LPCAT1: variants seen among roughly 807,000 people sequenced by gnomAD.
LPCAT1 encodes lysophosphatidylcholine acyltransferase 1, also known as 1-acylglycerol-3-phosphate O-acyltransferase.
Under a neutral mutation model 60.9 loss-of-function variants are expected in LPCAT1, and 23 were observed. That is an observed-to-expected ratio of 0.38 (90% CI 0.27 to 0.53). The LOEUF (loss-of-function observed/expected upper bound fraction) is 0.53, where lower values mean the gene tolerates loss of function less well. LPCAT1 is among the 20% of genes least tolerant of loss of function. The pLI is 0.82. For synonymous variants in LPCAT1, 340 were observed against 301.1 expected, an observed-to-expected ratio of 1.13 and a Z score of -1.34; for missense variants, 622 against 723.6, an observed-to-expected ratio of 0.86 and a Z score of 1.61.
Position 1,487,084 on chromosome 5 carries a change from C to G in LPCAT1, c.667+1307G>C, listed in dbSNP as rs1228776377. On this transcript the variant is annotated intron_variant, in intron 5 of 13. Transcript: ENST00000283415. The surrounding 1 kb of genome is among the most constrained non-coding windows in gnomAD (Gnocchi z 6.1). ...CTCCCCAGGGGCCTCCCTGCAGGCA[C>G]GAGGCTCCACTCCCGAGGAACACCT... Among the ~76,000 whole-genome samples, 1 of 152,188 alleles carries G rather than the reference C, an allele frequency of 6.6e-6. No individual in the cohort carries two copies.
Position 1,521,228 on chromosome 5 carries a change from G to T in LPCAT1, c.135+2482C>A. The T allele has an allele frequency of 1.7e-6, 1 of 573,686 alleles. No individual in the cohort carries two copies. The highest frequency in any genetic ancestry group is 2.2e-6 in the Non-Finnish European group (1 of 453,938). 35.5% of individuals were successfully genotyped at this position (573,686 alleles called of 1,614,324 possible). On this transcript the variant is annotated intron_variant, in intron 1 of 13. Coordinates refer to ENST00000283415, the MANE Select transcript of LPCAT1 (RefSeq NM_024830.5). The surrounding 1 kb of genome is among the most constrained non-coding windows in gnomAD (Gnocchi z 4.3). ...GATACTTAAGCTCCTCACTAAATCT[G>T]TAGTTAAATGACAGATGGGCTGGCT...
At chr5:1,506,822 C>G (rs1371782725) in intron 1 of LPCAT1, among the ~76,000 whole-genome samples, 2 of 152,206 alleles carry the variant, frequency 1.3e-5, no homozygotes, top group African/African-American at 4.8e-5. Context: ...TTGCAGTGTC[C>G]ACTGAGAGCA....
At chr5:1,492,771 C>T (rs1049544963) in intron 3 of LPCAT1, among the ~76,000 whole-genome samples, 2 of 152,204 alleles carry the variant, frequency 1.3e-5, no homozygotes, top group Non-Finnish European at 2.9e-5. Context: ...ACCAAACACT[C>T]CTTCGTGTTG....
rs770840035 is a variant in LPCAT1 at position 1,513,437 on chromosome 5, C to T, written c.135+10273G>A. ...CTCAGCTCCTGCAAGGCCTGGCTCA[C>T]GGCAGGTGCTCGCAAGAAGAATACA... On this transcript the variant is annotated intron_variant, in intron 1 of 13. Coordinates refer to ENST00000283415, the MANE Select transcript of LPCAT1 (RefSeq NM_024830.5). Among the ~76,000 whole-genome samples, 78 of 152,284 alleles carry T rather than the reference C, an allele frequency of 5.1e-4. 1 individual carries two copies. The highest frequency in any genetic ancestry group is 1.7e-3 in the African/African-American group (72 of 41,552).
In LPCAT1 at chr5:1,481,564, G is replaced by A. The variant is rs1345270272; in HGVS notation, c.727-588C>T. ...GGCCCAGACACCGTCACCCTGGGGT[G>A]GACCTTCTGCTCCCCTGACGGCTAA... On this transcript the variant is annotated intron_variant, in intron 6 of 13. Transcript: ENST00000283415. The surrounding 1 kb of genome is among the most constrained non-coding windows in gnomAD (Gnocchi z 7.8). Among the ~76,000 whole-genome samples the A allele has an allele frequency of 1.3e-5, 2 of 152,274 alleles. No homozygotes were observed. The highest frequency in any genetic ancestry group is 2.9e-5 in the Non-Finnish European group (2 of 68,052).
chr5:1,465,047 G>T (rs1190338204), intron 13 of LPCAT1, among the ~76,000 whole-genome samples: 1 of 112,512 alleles, frequency 8.9e-6, no homozygotes, highest in Non-Finnish European at 1.8e-5. Context: ...AAACACACAT[G>T]CGCACGCACA....
At chr5:1,464,814 C>G (rs535918978) in intron 13 of LPCAT1, among the ~76,000 whole-genome samples, 21 of 150,932 alleles carry the variant, frequency 1.4e-4, no homozygotes, top group Non-Finnish European at 2.8e-4. Context: ...CAAGCACACA[C>G]ACGGTAATCA....
chr5:1,522,738 C>T lies in LPCAT1; in HGVS notation c.135+972G>A, dbSNP rs1266799533. Reference sequence around the variant, plus strand: ...CTCACAATTGGAAGCGTGCTCCCTACAAACCGGACAGCCCCATAGGCCCCG... The same window carrying T: ...CTCACAATTGGAAGCGTGCTCCCTATAAACCGGACAGCCCCATAGGCCCCG... On this transcript the variant is annotated intron_variant, in intron 1 of 13. Transcript: ENST00000283415. The surrounding 1 kb of genome is among the most constrained non-coding windows in gnomAD (Gnocchi z 6.8). Among the ~76,000 whole-genome samples the T allele has an allele frequency of 2.0e-5, 3 of 152,222 alleles. No individual in the cohort carries two copies. Among genetic ancestry groups the T allele is most frequent in the African/African-American group, 7.2e-5 (3 of 41,464 alleles).
intron 5 of LPCAT1, among the ~76,000 whole-genome samples, chr5:1,484,692 G>C (rs370074233): frequency 6.6e-6 from 1 of 152,350 alleles, no homozygotes; most frequent in South Asian, 2.1e-4. Context: ...CCAGAGGCCC[G>C]TGTCAGGGCT....
chr5:1,473,963 G>T lies in LPCAT1; in HGVS notation c.1173C>A (p.Phe391Leu). ...SDLLEDMFSL[F>L]DESGSGEVDL... ...CGCAGGCGACAGGCCCTACCTCGTC[G>T]AACAGTGAAAACATGTCTTCCAGCA... The change falls in exon 11 of 14, where the codon TTC becomes TTA. Residue 391 changes from phenylalanine (F) to leucine (L), a missense_variant. Phe to Leu is a conservative substitution (Grantham distance 22). Around this residue, in one of 3 missense-constraint regions of LPCAT1, gnomAD observed 288 missense variants for 283.6 expected, o/e 1.02. Transcript: ENST00000283415. 2 of 1,614,084 alleles carry T rather than the reference G, an allele frequency of 1.2e-6. No individual in the cohort carries two copies. The highest frequency in any genetic ancestry group is 1.7e-6 in the Non-Finnish European group (2 of 1,179,996).
intron 13 of LPCAT1, among the ~76,000 whole-genome samples, chr5:1,465,008 C>A: frequency 7.0e-6 from 1 of 143,194 alleles, no homozygotes; most frequent in African/African-American, 2.7e-5. Context: ...CAATAACATG[C>A]ACACACACAA....
At chr5:1,465,235 G>A (rs908619615) in intron 13 of LPCAT1, among the ~76,000 whole-genome samples, 1 of 137,290 alleles carries the variant, frequency 7.3e-6, no homozygotes, top group Admixed American at 7.5e-5. Flanking sequence ...CACAAAACAA[G>A]CACACGCACA....
In LPCAT1 at chr5:1,494,788, G is replaced by A. The variant is rs771338770; in HGVS notation, c.405C>T (p.His135=). The part of the protein sequence containing the change: ...TEAAILTLAP[H]SSYFDAIPVT... The stretch of plus-strand genomic sequence containing the variant: ...CAGGGATGGCGTCGAAGTAGGACGA[G>A]TGAGGCGCGAGCGTGAGGATGGCCG... Residue 135 remains histidine, a synonymous_variant, in exon 3 of 14, where the codon CAC becomes CAT. Transcript: ENST00000283415. The A allele has an allele frequency of 6.2e-7, 1 of 1,614,082 alleles. No homozygotes were observed. Among genetic ancestry groups the A allele is most frequent in the African/African-American group, 1.3e-5 (1 of 74,948 alleles).
At position 1,493,423 on chromosome 5, in the gene LPCAT1, G is replaced by A. The variant is rs143117207; in HGVS notation, c.493+1277C>T. On this transcript the variant is annotated intron_variant, in intron 3 of 13. Coordinates refer to ENST00000283415, the MANE Select transcript of LPCAT1 (RefSeq NM_024830.5). ...TCCCCACCCAGTCCATACTGAATGT[G>A]TCCCCCCAGATATTTTCTAGAAAAC... Among the ~76,000 whole-genome samples, 441 of 152,334 alleles carry A rather than the reference G, an allele frequency of 2.9e-3. 2 individuals are homozygous for A. Among genetic ancestry groups the A allele is most frequent in the Non-Finnish European group, 4.0e-3 (275 of 68,040 alleles).
At position 1,483,285 on chromosome 5, in the gene LPCAT1, G is replaced by T. The variant is rs1735233000; in HGVS notation, c.726+143C>A. ...CCTGCCCTCTCCAGCGCTGAGGCCG[G>T]ATGGACTCAGCATGGCCAAGTGTGG... On this transcript the variant is annotated intron_variant, in intron 6 of 13. Coordinates refer to ENST00000283415, the MANE Select transcript of LPCAT1 (RefSeq NM_024830.5). This position sits in a 1 kb window ranked among gnomAD's most constrained non-coding sequence, Gnocchi z 9.2. The T allele has an allele frequency of 5.3e-6, 5 of 943,274 alleles. No homozygotes were observed. In the South Asian group the frequency reaches 5.4e-5, roughly 10 times the overall value. 58.4% of individuals were successfully genotyped at this position (943,274 alleles called of 1,614,324 possible). A position where few individuals can be genotyped will look rare whatever the true frequency, so the allele number is the denominator to read the frequency against.
In LPCAT1 at chr5:1,462,552, T is replaced by A. The variant is rs1388968828; in HGVS notation, c.*1099A>T. The A allele has an allele frequency of 2.0e-5, 3 of 152,462 alleles. No homozygotes were observed. The highest frequency in any genetic ancestry group is 7.3e-5 in the African/African-American group (3 of 41,362). The allele number at this position is 152,462 out of a possible 1,614,324, so 9.4% of individuals were successfully genotyped here. A position where few individuals can be genotyped will look rare whatever the true frequency, so the allele number is the denominator to read the frequency against. On this transcript the variant is annotated 3_prime_UTR_variant, in exon 14 of 14. Coordinates refer to ENST00000283415, the MANE Select transcript of LPCAT1 (RefSeq NM_024830.5). ...CGCACCGCACAGCCCAGCGTCTCCT[T>A]CCACAAGCAAAAGACTGCGGCTCCT...
At chr5:1,504,671 G>A (rs1736127783) in intron 1 of LPCAT1, among the ~76,000 whole-genome samples, 2 of 141,174 alleles carry the variant, frequency 1.4e-5, no homozygotes, top group Admixed American at 7.5e-5. Context: ...CTGAGATCGC[G>A]CCATTGCGCT....
chr5:1,518,032 T>A (rs548630212), intron 1 of LPCAT1, among the ~76,000 whole-genome samples: 7 of 152,242 alleles, frequency 4.6e-5, no homozygotes, highest in Admixed American at 4.6e-4. Context: ...TCACATGGAC[T>A]AATGCAGAAG....
At chr5:1,471,035 G>A (rs1050580064) in intron 11 of LPCAT1, 111 bp from the exon 12 acceptor site, 16 of 775,276 alleles carry the variant, frequency 2.1e-5, no homozygotes, top group South Asian at 5.1e-5. Context: ...ACTCTCACTC[G>A]GGAACATCTG....
Sources: allele counts gnomAD v4.1 joint callset (sites outside exome capture counted in the v4.1 genomes callset), GRCh38; gene constraint gnomAD v4.1.1; regional missense constraint gnomAD v4.1.1; non-coding constraint Gnocchi (gnomAD v3.1); transcripts MANE v1.5; gene names NCBI Gene and HGNC (gene_info 2026-07-23, HGNC 2026-07-21).